The following NACAD variants were observed in gnomAD, a reference collection of about 807,000 sequenced individuals.
NACAD encodes the protein NAC alpha domain containing, also known as NAC-alpha domain-containing protein 1.
NACAD carries 47 observed loss-of-function variants against 98.9 expected under a neutral mutation model. The observed-to-expected ratio is 0.48, with a 90% CI of 0.38 to 0.61. The LOEUF (loss-of-function observed/expected upper bound fraction) is 0.61. Ranked by LOEUF, NACAD falls within the 20% of genes least tolerant of loss-of-function variation. The pLI, the probability that NACAD is intolerant of heterozygous loss-of-function variation, is 0.00. For synonymous variants in NACAD, 696 were observed against 767.2 expected, an observed-to-expected ratio of 0.91 and a Z score of 1.53; for missense variants, 1,412 against 1,748.2, an observed-to-expected ratio of 0.81 and a Z score of 3.43.
In NACAD at chr7:45,088,845, C is replaced by T; in HGVS notation, c.50G>A (p.Arg17Gln). 1 of 1,491,342 alleles carries T rather than the reference C, an allele frequency of 6.7e-7. No homozygotes were observed. The highest frequency in any genetic ancestry group is 8.9e-7 in the Non-Finnish European group (1 of 1,125,700). The allele number at this position is 1,491,342 out of a possible 1,614,324, so 92.4% of individuals were successfully genotyped here. ...GGCCTCACCTGTGCGGGGCCCGGGT[C>T]GGTCCGCCTCGGGCAGCAGCAGCTC... ...RAELLLPEADRPGPRTDLSCD... is the reference protein window; with the variant it reads ...RAELLLPEADQPGPRTDLSCD... Residue 17 changes from arginine to glutamine, a missense_variant, in exon 1 of 8, where the codon CGA becomes CAA. Arg to Gln is a conservative substitution (Grantham distance 43). Coordinates refer to ENST00000490531, the MANE Select transcript of NACAD (RefSeq NM_001146334.2). The surrounding 1 kb of genome is among the most constrained non-coding windows in gnomAD (Gnocchi z 5.7).
In NACAD at chr7:45,082,339, C is replaced by G. The variant is rs774759783; in HGVS notation, c.3841G>C (p.Ala1281Pro). ...PPPQAGVQPA[A>P]AAVSGTTQPL... ...TGTGTGGTTCCTGAGACAGCAGCAG[C>G]GGCAGGCTGGACTCCTGCCTGGGGC... Residue 1281 changes from alanine to proline, a missense_variant, in exon 2 of 8, where the codon GCT becomes CCT. By Grantham distance (27) the Ala-to-Pro change is conservative. Transcript: ENST00000490531. This position sits in a 1 kb window ranked among gnomAD's most constrained non-coding sequence, Gnocchi z 4.5. The G allele has an allele frequency of 6.4e-7, 1 of 1,550,442 alleles. No homozygotes were observed.
chr7:45,084,721 T>G lies in NACAD; in HGVS notation c.1459A>C (p.Thr487Pro). Residue 487 changes from threonine (T) to proline (P), a missense_variant, in exon 2 of 8, where the codon ACT becomes CCT. Physicochemically the swap from Thr to Pro is conservative, Grantham distance 38 (BLOSUM62 -1). Coordinates refer to ENST00000490531, the MANE Select transcript of NACAD (RefSeq NM_001146334.2). ...TGGAGGCCTGGGGCTACCTGCAGAG[T>G]GTGAGGGGTCACAGTGGCAGTGGAC... ...QESTATVTPHTLQVAPGLQVE... is the reference protein window; with the variant it reads ...QESTATVTPHPLQVAPGLQVE... 1 of 1,550,650 alleles carries G rather than the reference T, an allele frequency of 6.4e-7. No individual in the cohort carries two copies. The highest frequency in any genetic ancestry group is 8.7e-7 in the Non-Finnish European group (1 of 1,146,734).
chr7:45,087,820 A>G (rs1384601231), intron 1 of NACAD, among the ~76,000 whole-genome samples: 1 of 152,208 alleles, frequency 6.6e-6, no homozygotes, highest in Non-Finnish European at 1.5e-5. Context: ...GGGTGCCCTG[A>G]AGCTGGGCTC....
chr7:45,081,316 G>A, intron 4 of NACAD, 53 bp from the exon 5 acceptor site: 1 of 1,539,064 alleles, frequency 6.5e-7, no homozygotes, highest in Middle Eastern at 2.0e-4. Flanking sequence ...CCACGTCGGG[G>A]GAGGAGAGCA....
rs936948887 is a variant in NACAD at position 45,084,793 on chromosome 7, C to T, written c.1387G>A (p.Glu463Lys). ...TCTTCTGTTACTTCTGAGATCAATT[C>T]CTGTCTCTGGGACAGATAGGCCCCT... ...DRGAYLSQRQ[E>K]LISEVTEEGL... The change falls in exon 2 of 8, where the codon GAA (glutamate) becomes AAA (lysine). Residue 463 changes from glutamate to lysine, a missense_variant. Glu to Lys is a moderately conservative substitution (Grantham distance 56, BLOSUM62 1). Around this residue, in one of 5 missense-constraint regions of NACAD, gnomAD observed 638 missense variants for 722.7 expected, o/e 0.88. Coordinates refer to ENST00000490531, the MANE Select transcript of NACAD (RefSeq NM_001146334.2). 15 of 1,551,066 alleles carry T rather than the reference C, an allele frequency of 9.7e-6. No individual in the cohort carries two copies. Among genetic ancestry groups the T allele is most frequent in the Middle Eastern group, 3.3e-4 (2 of 5,992 alleles).
chr7:45,087,597 TGAAA>T (rs1252543203), intron 1 of NACAD, among the ~76,000 whole-genome samples: 2 of 152,222 alleles, frequency 1.3e-5, no homozygotes, highest in Non-Finnish European at 2.9e-5. Context: ...GAGTTGAAGC[TGAAA>T]GAAGGGGGAC....
rs1227303569 is a variant in NACAD, at chr7:45,082,693, G to C, written c.3487C>G (p.Leu1163Val). The C allele has an allele frequency of 8.6e-6, 13 of 1,515,662 alleles. No homozygotes were observed. The highest frequency in any genetic ancestry group is 1.2e-5 in the Non-Finnish European group (13 of 1,129,496). The allele number at this position is 1,515,662 out of a possible 1,614,324, so 93.9% of individuals were successfully genotyped here. A position where few individuals can be genotyped will look rare whatever the true frequency, so the allele number is the denominator to read the frequency against. The change falls in exon 2 of 8, where the codon CTG becomes GTG. Residue 1163 changes from leucine (L) to valine (V), a missense_variant. Around this residue, in one of 5 missense-constraint regions of NACAD, gnomAD observed 572 missense variants for 639.6 expected, o/e 0.89. Transcript: ENST00000490531. This position sits in a 1 kb window ranked among gnomAD's most constrained non-coding sequence, Gnocchi z 4.5. ...GGCGCGTCAGGGCAGCCTCTGTCCA[G>C]ACTGGACACAGCCCCTACTGAAGAC... ...PESSVGAVSS[L>V]DRGCPDAPAP...
Position 45,084,804 on chromosome 7 carries a change from G to A in NACAD, c.1376C>T (p.Ser459Phe). The A allele has an allele frequency of 6.4e-7, 1 of 1,550,980 alleles. No individual in the cohort carries two copies. The highest frequency in any genetic ancestry group is 8.7e-7 in the Non-Finnish European group (1 of 1,146,940). Reference sequence around the variant, plus strand: ...TTCTGAGATCAATTCCTGTCTCTGGGACAGATAGGCCCCTCTGTCTGAGGT... The same window carrying A: ...TTCTGAGATCAATTCCTGTCTCTGGAACAGATAGGCCCCTCTGTCTGAGGT... ...PQTSDRGAYL[S>F]QRQELISEVT... The change falls in exon 2 of 8, where the codon TCC (serine) becomes TTC (phenylalanine). Residue 459 changes from serine to phenylalanine, a missense_variant. Ser to Phe is a radical substitution (Grantham distance 155, BLOSUM62 -2). Coordinates refer to ENST00000490531, the MANE Select transcript of NACAD (RefSeq NM_001146334.2).
At chr7:45,081,096 C>T in intron 5 of NACAD, 21 bp downstream of exon 5, 1 of 1,551,170 alleles carries the variant, frequency 6.4e-7, no homozygotes, top group Non-Finnish European at 8.7e-7. Context: ...TCCCCCATTC[C>T]ACCACAGCCG....
At position 45,088,753 on chromosome 7, in the gene NACAD, G is replaced by C; in HGVS notation, c.67+75C>G. 1 of 1,307,136 alleles carries C rather than the reference G, an allele frequency of 7.7e-7. No homozygotes were observed. The highest frequency in any genetic ancestry group is 1.0e-6 in the Non-Finnish European group (1 of 986,556). The allele number at this position is 1,307,136 out of a possible 1,614,324, so 81.0% of individuals were successfully genotyped here. On this transcript the variant is annotated intron_variant, in intron 1 of 7. Coordinates refer to ENST00000490531, the MANE Select transcript of NACAD (RefSeq NM_001146334.2). This position sits in a 1 kb window ranked among gnomAD's most constrained non-coding sequence, Gnocchi z 5.7. ...AGGGGGATGGGGGAGAGGGGTGAAA[G>C]GTGAGCGATGGAAAGAGAACCCGGG...
At chr7:45,081,957 G>A in intron 2 of NACAD, 90 bp from the exon 3 acceptor site, 1 of 1,449,502 alleles carries the variant, frequency 6.9e-7, no homozygotes, top group African/African-American at 1.4e-5. Flanking sequence ...CCACATCAGG[G>A]CCAGAGGAAG....
chr7:45,080,690 C>A lies in NACAD; in HGVS notation c.4624G>T (p.Ala1542Ser). The change falls in exon 7 of 8, where the codon GCC becomes TCC. Residue 1542 changes from alanine (A) to serine (S), a missense_variant. Around this residue, in one of 5 missense-constraint regions of NACAD, gnomAD observed 88 missense variants for 105.4 expected, o/e 0.84. Coordinates refer to ENST00000490531, the MANE Select transcript of NACAD (RefSeq NM_001146334.2). Reference protein sequence around the residue: ...MAQANVSRAKAVRALRDNHSD... With the variant: ...MAQANVSRAKSVRALRDNHSD... The stretch of plus-strand genomic sequence containing the variant: ...TGGTTGTCTCTCAGAGCCCGCACGG[C>A]CTTGGCCCTGGACACATTGGCCTGC... The A allele has an allele frequency of 1.3e-6, 2 of 1,551,258 alleles. No individual in the cohort carries two copies. The highest frequency in any genetic ancestry group is 1.7e-6 in the Non-Finnish European group (2 of 1,146,958).
Position 45,084,756 on chromosome 7 carries a change from A to G in NACAD, c.1424T>C (p.Leu475Ser), listed in dbSNP as rs1342786198. The stretch of plus-strand genomic sequence containing the variant: ...CACAGTGGCAGTGGACTCCTGGCCT[A>G]AAGCAAGGCCCTCTTCTGTTACTTC... ...ISEVTEEGLA[L>S]GQESTATVTP... The change falls in exon 2 of 8, where the codon TTA becomes TCA. Residue 475 changes from leucine to serine, a missense_variant. This residue lies in a region of NACAD where 638 missense variants were observed against 722.7 expected (regional missense o/e 0.88). Coordinates refer to ENST00000490531, the MANE Select transcript of NACAD (RefSeq NM_001146334.2). 6.4e-7 allele frequency: 1 copy of G among 1,551,108 alleles called. No individual in the cohort carries two copies. Among genetic ancestry groups the G allele is most frequent in the East Asian group, 2.4e-5 (1 of 40,878 alleles).
Position 45,086,052 on chromosome 7 carries a change from C to A in NACAD, c.128G>T (p.Cys43Phe). ...TILGGDRREP[C>F]ALTPGPSHLA... ...GTGGCTGGGCCCTGGGGTCAGAGCA[C>A]AGGGCTCCCGCCGGTCCCCTCCCAG... Residue 43 changes from cysteine (C) to phenylalanine (F), a missense_variant, in exon 2 of 8, where the codon TGT becomes TTT. Cys to Phe is a radical substitution (Grantham distance 205). Around this residue, in one of 5 missense-constraint regions of NACAD, gnomAD observed 638 missense variants for 722.7 expected, o/e 0.88. Coordinates refer to ENST00000490531, the MANE Select transcript of NACAD (RefSeq NM_001146334.2). The A allele has an allele frequency of 6.5e-7, 1 of 1,535,360 alleles. No individual in the cohort carries two copies. Among genetic ancestry groups the A allele is most frequent in the Non-Finnish European group, 8.7e-7 (1 of 1,146,550 alleles).
At position 45,082,458 on chromosome 7, in the gene NACAD, G is replaced by A. The variant is rs972362291; in HGVS notation, c.3722C>T (p.Pro1241Leu). The A allele has an allele frequency of 6.5e-6, 10 of 1,549,070 alleles. No individual in the cohort carries two copies. Among genetic ancestry groups the A allele is most frequent in the Non-Finnish European group, 8.7e-6 (10 of 1,146,750 alleles). The part of the protein sequence containing the change: ...APGTLAGAAL[P>L]PLEPPAPCLC... The stretch of plus-strand genomic sequence containing the variant: ...GCAGGGGGCTGGGGGCTCCAGTGGG[G>A]GTAGGGCTGCCCCAGCAAGGGTACC... Residue 1241 changes from proline (P) to leucine (L), a missense_variant, in exon 2 of 8, where the codon CCC becomes CTC. By Grantham distance (98) the Pro-to-Leu change is moderately conservative. Around this residue, in one of 5 missense-constraint regions of NACAD, gnomAD observed 572 missense variants for 639.6 expected, o/e 0.89. Transcript: ENST00000490531. This position sits in a 1 kb window ranked among gnomAD's most constrained non-coding sequence, Gnocchi z 4.5.
chr7:45,084,666 T>C lies in NACAD; in HGVS notation c.1514A>G (p.Gln505Arg). ...GGAGTCTGTTTCTTCCTCCCCAGCC[T>C]GTGGGGTCACTCTGGTAGCCACCTC... The part of the protein sequence containing the change: ...QVEVATRVTP[Q>R]AGEEETDSTA... The change falls in exon 2 of 8, where the codon CAG (glutamine) becomes CGG (arginine). Residue 505 changes from glutamine to arginine, a missense_variant. Around this residue, in one of 5 missense-constraint regions of NACAD, gnomAD observed 638 missense variants for 722.7 expected, o/e 0.88. Transcript: ENST00000490531. The C allele has an allele frequency of 6.4e-7, 1 of 1,550,926 alleles. No individual in the cohort carries two copies.
At position 45,082,766 on chromosome 7, in the gene NACAD, C is replaced by T. The variant is rs1344888010; in HGVS notation, c.3414G>A (p.Thr1138=). The part of the protein sequence containing the change: ...GLSGKSTPEP[T]LPSAVATEAS... ...CCTCTGTGGCCACAGCTGAGGGAAG[C>T]GTGGGCTCCGGGGTGGACTTGCCAC... The change falls in exon 2 of 8, where the codon ACG becomes ACA. Residue 1138 remains threonine (T), a synonymous_variant. Coordinates refer to ENST00000490531, the MANE Select transcript of NACAD (RefSeq NM_001146334.2). This position sits in a 1 kb window ranked among gnomAD's most constrained non-coding sequence, Gnocchi z 4.5. The T allele has an allele frequency of 1.7e-5, 26 of 1,548,522 alleles. No individual in the cohort carries two copies. The highest frequency in any genetic ancestry group is 3.6e-5 in the South Asian group (3 of 83,652).
chr7:45,082,775 C>A lies in NACAD; in HGVS notation c.3405G>T (p.Pro1135=), dbSNP rs375760474. The A allele has an allele frequency of 6.5e-7, 1 of 1,549,052 alleles. No homozygotes were observed. The highest frequency in any genetic ancestry group is 8.7e-7 in the Non-Finnish European group (1 of 1,146,354). Residue 1135 remains proline (P), a synonymous_variant, in exon 2 of 8, where the codon CCG becomes CCT. Coordinates refer to ENST00000490531, the MANE Select transcript of NACAD (RefSeq NM_001146334.2). The surrounding 1 kb of genome is among the most constrained non-coding windows in gnomAD (Gnocchi z 4.5). The part of the protein sequence containing the change: ...EERGLSGKST[P]EPTLPSAVAT... ...CCACAGCTGAGGGAAGCGTGGGCTC[C>A]GGGGTGGACTTGCCACTCAGGCCTC...
At chr7:45,086,150 G>A (rs1014717474) in intron 1 of NACAD, 38 bp from the exon 2 acceptor site, 1 of 1,526,438 alleles carries the variant, frequency 6.6e-7, no homozygotes, top group Admixed American at 2.0e-5. Context: ...GCCCCTGGAT[G>A]CATCTCCCAG....
Sources: gnomAD v4.1 joint callset for allele counts (sites outside exome capture counted in the v4.1 genomes callset) on GRCh38, gnomAD v4.1.1 for gene constraint, gnomAD v4.1.1 regional missense constraint, Gnocchi (gnomAD v3.1) non-coding constraint, MANE v1.5 for transcripts, NCBI Gene and HGNC (gene_info 2026-07-23, HGNC 2026-07-21) for gene names.